Variants in N4BP1 observed in about 807,000 individuals in gnomAD.
N4BP1 encodes the protein NEDD4 binding protein 1, also known as NEDD4-binding protein 1.
N4BP1 carries 21 observed loss-of-function variants against 70.9 expected under a neutral mutation model. The observed-to-expected ratio is 0.30, with a 90% CI of 0.21 to 0.43. The LOEUF (loss-of-function observed/expected upper bound fraction) is 0.43. Ranked by LOEUF, N4BP1 falls within the 20% of genes least tolerant of loss-of-function variation. The pLI is 1.00. For synonymous variants in N4BP1, 387 were observed against 394.6 expected, an observed-to-expected ratio of 0.98 and a Z score of 0.23; for missense variants, 936 against 1,069.4, an observed-to-expected ratio of 0.88 and a Z score of 1.74.
chr16:48,566,385 C>T (rs1275442299), intron 1 of N4BP1, among the ~76,000 whole-genome samples: 1 of 152,086 alleles, frequency 6.6e-6, no homozygotes, highest in African/African-American at 2.4e-5. Context: ...CAGAAGTTTC[C>T]CTTTCAGCAC....
chr16:48,580,178 G>A (rs1401405097), intron 1 of N4BP1, among the ~76,000 whole-genome samples: 1 of 151,880 alleles, frequency 6.6e-6, no homozygotes, highest in Non-Finnish European at 1.5e-5. Context: ...TTATGAAAAG[G>A]TTTTAAAAAT....
At chr16:48,581,781 C>T (rs890667349) in intron 1 of N4BP1, among the ~76,000 whole-genome samples, 2 of 152,136 alleles carry the variant, frequency 1.3e-5, no homozygotes, top group South Asian at 2.1e-4. Context: ...ATCCTTATCT[C>T]GCATCATATA....
In N4BP1 at chr16:48,539,778, G is replaced by A. The variant is rs1963464793; in HGVS notation, c.*3126C>T. 1.3e-5 allele frequency: 2 copies of A among 152,374 alleles called. No homozygotes were observed. The highest frequency in any genetic ancestry group is 4.1e-4 in the South Asian group (2 of 4,842). The allele number at this position is 152,374 out of a possible 1,614,324, so 9.4% of individuals were successfully genotyped here. On this transcript the variant is annotated 3_prime_UTR_variant, in exon 7 of 7. Coordinates refer to ENST00000262384, the MANE Select transcript of N4BP1 (RefSeq NM_153029.4). ...GAGGAAGAATAGGGTGTTAAGGACT[G>A]GCTTTAGGCAAAAAGAAGAGACAAA...
chr16:48,571,562 T>G (rs1964020904), intron 1 of N4BP1, among the ~76,000 whole-genome samples: 1 of 151,868 alleles, frequency 6.6e-6, no homozygotes, highest in Non-Finnish European at 1.5e-5. Context: ...AAAATTTTAG[T>G]AAGTGGTTTC....
intron 1 of N4BP1, among the ~76,000 whole-genome samples, chr16:48,605,599 C>T (rs967396930): frequency 7.9e-5 from 12 of 152,180 alleles, no homozygotes; most frequent in African/African-American, 2.7e-4. Flanking sequence ...AAGGACTTCT[C>T]ACTCTTAGAC....
intron 1 of N4BP1, among the ~76,000 whole-genome samples, chr16:48,567,648 T>A (rs1963962849): frequency 6.6e-6 from 1 of 152,232 alleles, no homozygotes; most frequent in African/African-American, 2.4e-5. Context: ...TATCTCTTCA[T>A]ATAGTTTTTA....
At chr16:48,546,782 T>C (rs1963597336) in intron 5 of N4BP1, among the ~76,000 whole-genome samples, 1 of 152,252 alleles carries the variant, frequency 6.6e-6, no homozygotes, top group African/African-American at 2.4e-5. Flanking sequence ...AAAGTCCAAG[T>C]GCCTGTGCTT....
intron 2 of N4BP1, among the ~76,000 whole-genome samples, chr16:48,558,988 TAAA>T (rs1340679200): frequency 2.0e-5 from 3 of 152,170 alleles, no homozygotes; most frequent in Non-Finnish European, 4.4e-5. Flanking sequence ...ATTCAAATAA[TAAA>T]AAGCAGAAGA....
chr16:48,589,797 A>G (rs971945312), intron 1 of N4BP1, among the ~76,000 whole-genome samples: 1 of 152,248 alleles, frequency 6.6e-6, no homozygotes, highest in Admixed American at 6.5e-5. Flanking sequence ...AACTGAGGAA[A>G]TTATGACAGT....
rs774947902 is a variant in N4BP1, at chr16:48,541,978, T to C, written c.*926A>G. On this transcript the variant is annotated 3_prime_UTR_variant, in exon 7 of 7. Coordinates refer to ENST00000262384, the MANE Select transcript of N4BP1 (RefSeq NM_153029.4). ...CTCCACATCAGGGCGTCTCCTGCAG[T>C]TGGGGACACAAGATGGCCACAGTGA... 1.3e-5 allele frequency: 2 copies of C among 152,822 alleles called. No individual in the cohort carries two copies. Among genetic ancestry groups the C allele is most frequent in the East Asian group, 1.9e-4 (1 of 5,190 alleles). The allele number at this position is 152,822 out of a possible 1,614,324, so 9.5% of individuals were successfully genotyped here. A position where few individuals can be genotyped will look rare whatever the true frequency, so the allele number is the denominator to read the frequency against.
Position 48,551,536 on chromosome 16 carries a change from G to T in N4BP1, c.2021-54C>A. 4.7e-6 allele frequency: 6 copies of T among 1,266,910 alleles called. No homozygotes were observed. In the South Asian group the frequency reaches 6.7e-5, roughly 14 times the overall value. The allele number at this position is 1,266,910 out of a possible 1,614,324, so 78.5% of individuals were successfully genotyped here. A position where few individuals can be genotyped will look rare whatever the true frequency, so the allele number is the denominator to read the frequency against. On this transcript the variant is annotated intron_variant, in intron 3 of 6. Coordinates refer to ENST00000262384, the MANE Select transcript of N4BP1 (RefSeq NM_153029.4). The stretch of plus-strand genomic sequence containing the variant: ...TCAGAAAAGGGCTATCTTCCCAAAT[G>T]TATCAAGAAATGAAAGTACACTCAA...
intron 1 of N4BP1, among the ~76,000 whole-genome samples, chr16:48,587,915 TTCA>T (rs1406871499): frequency 1.3e-5 from 2 of 152,264 alleles, no homozygotes; most frequent in East Asian, 3.9e-4. Context: ...GAGAGAGGAA[TTCA>T]TCTAGATGTA....
intron 1 of N4BP1, among the ~76,000 whole-genome samples, chr16:48,584,733 A>T (rs1307320010): frequency 2.6e-5 from 4 of 152,120 alleles, no homozygotes. Context: ...ACACACTGCG[A>T]GATTACCATC....
chr16:48,558,184 C>G (rs1237699418), intron 2 of N4BP1, among the ~76,000 whole-genome samples: 1 of 150,586 alleles, frequency 6.6e-6, no homozygotes, highest in Non-Finnish European at 1.5e-5. Context: ...AAATTAAGTA[C>G]AAGTCTGTCT....
At chr16:48,597,089 C>T (rs1383131257) in intron 1 of N4BP1, among the ~76,000 whole-genome samples, 2 of 152,176 alleles carry the variant, frequency 1.3e-5, no homozygotes, top group South Asian at 4.1e-4. Context: ...TCCCAAGCCC[C>T]TACCTGCCAA....
At chr16:48,545,750 G>C (rs997277754) in intron 6 of N4BP1, among the ~76,000 whole-genome samples, 2 of 152,030 alleles carry the variant, frequency 1.3e-5, no homozygotes, top group African/African-American at 2.4e-5. Context: ...TTTTGGCCAG[G>C]CATGGTGGCT....
intron 1 of N4BP1, among the ~76,000 whole-genome samples, chr16:48,596,856 A>G (rs1726385269): frequency 6.6e-6 from 1 of 152,202 alleles, no homozygotes; most frequent in Admixed American, 6.5e-5. Context: ...TTTGGCTCCA[A>G]GAGTTTGAAC....
In N4BP1 at chr16:48,609,989, CGCGGCGGCGCCGGGGGCCGGCG is replaced by C. The variant is rs766205106; in HGVS notation, c.-39_-18del. On this transcript the variant is annotated 5_prime_UTR_variant, in exon 1 of 7. Transcript: ENST00000262384. ...GGCCGCCATGGCGGGCGCGGCCTCC[CGCGGCGGCGCCGGGGGCCGGCG>C]GCGGCGACGCCCCCTCAGCTTGCTG... The C allele has an allele frequency of 1.2e-5, 14 of 1,181,858 alleles. 1 individual carries two copies. In the African/African-American group the frequency reaches 1.3e-4, roughly 11 times the overall value. The allele number at this position is 1,181,858 out of a possible 1,614,324, so 73.2% of individuals were successfully genotyped here.
intron 4 of N4BP1, among the ~76,000 whole-genome samples, chr16:48,549,890 C>T (rs952491764): frequency 6.6e-6 from 1 of 152,098 alleles, no homozygotes; most frequent in Admixed American, 6.5e-5. Context: ...GGCGAAAACA[C>T]CAGGGTTGTT....
Sources: allele counts gnomAD v4.1 joint callset (sites outside exome capture counted in the v4.1 genomes callset), GRCh38; gene constraint gnomAD v4.1.1; transcripts MANE v1.5; gene names NCBI Gene and HGNC (gene_info 2026-07-23, HGNC 2026-07-21).